DNAH5: variants seen among roughly 807,000 people sequenced by gnomAD.
DNAH5 encodes dynein axonemal heavy chain 5.
In DNAH5, 372 loss-of-function variants were observed where a neutral mutation model predicts 518.2. The observed-to-expected ratio is 0.72, with a 90% CI of 0.66 to 0.78. The LOEUF (loss-of-function observed/expected upper bound fraction) is 0.78, where lower values mean the gene tolerates loss of function less well. Among genes scored for constraint, DNAH5 ranks in the 30% least tolerant of loss-of-function variants. The probability of loss-of-function intolerance (pLI) is 0.00; values close to 1 mark genes in which losing one functional copy is unlikely to be tolerated. For synonymous variants in DNAH5, 2,039 were observed against 2,025.9 expected (o/e 1.01, Z -0.17); for missense variants, 5,523 against 5,687.0 (o/e 0.97, Z 0.93).
rs1345414588 is a variant in DNAH5 at position 13,737,264 on chromosome 5, C to G, written c.11443G>C (p.Glu3815Gln). The G allele has an allele frequency of 6.2e-7, 1 of 1,614,048 alleles. No homozygotes were observed. Among genetic ancestry groups the G allele is most frequent in the Non-Finnish European group, 8.5e-7 (1 of 1,179,968 alleles). The stretch of plus-strand genomic sequence containing the variant: ...TTACCAAACTCACCAGGTCTGTATT[C>G]CTCCCGGGCTGAGTTAATTTGAACT... ...TEVQINSAREEYRPVATRGSI... is the reference protein window; with the variant it reads ...TEVQINSAREQYRPVATRGSI... Residue 3815 changes from glutamate (E) to glutamine (Q), a missense_variant, in exon 66 of 79, where the codon GAA (glutamate) becomes CAA (glutamine). This residue lies in a region of DNAH5 where 5,121 missense variants were observed against 5,223.3 expected (regional missense o/e 0.98). Transcript: ENST00000265104.
chr5:13,867,328 G>A (rs1450261463), intron 25 of DNAH5, among the ~76,000 whole-genome samples: 1 of 152,122 alleles, frequency 6.6e-6, no homozygotes, highest in Non-Finnish European at 1.5e-5. Context: ...AATCATGGGA[G>A]CGGTTTTCCC....
upstream of DNAH5, among the ~76,000 whole-genome samples, chr5:13,946,081 CAAG>C (rs1365725524): frequency 6.6e-6 from 1 of 152,172 alleles, no homozygotes; most frequent in Non-Finnish European, 1.5e-5. Flanking sequence ...CTATCCATCC[CAAG>C]AATCCTCTGT....
upstream of DNAH5, among the ~76,000 whole-genome samples, chr5:13,946,230 G>A (rs2078022483): frequency 6.6e-6 from 1 of 152,144 alleles, no homozygotes; most frequent in Admixed American, 6.5e-5. Flanking sequence ...CATTTACAAC[G>A]CATCGCTTGG....
chr5:13,841,238 G>C (rs1236176822), intron 33 of DNAH5, 108 bp from the exon 34 acceptor site: 1 of 880,456 alleles, frequency 1.1e-6, no homozygotes, highest in Non-Finnish European at 1.8e-6. Flanking sequence ...GTAAAGCCAT[G>C]ATTACATCAA....
At chr5:13,909,000 G>A (rs1174208217) in intron 12 of DNAH5, among the ~76,000 whole-genome samples, 2 of 152,284 alleles carry the variant, frequency 1.3e-5, no homozygotes, top group South Asian at 2.1e-4. Flanking sequence ...AATTAGTTAA[G>A]AGAAAGAGAA....
intron 65 of DNAH5, among the ~76,000 whole-genome samples, chr5:13,738,667 G>C (rs1305254511): frequency 2.0e-5 from 3 of 152,130 alleles, no homozygotes; most frequent in African/African-American, 7.2e-5. Flanking sequence ...GGTGGCAGGG[G>C]TGGGAGAAGG....
At chr5:13,960,255 T>A (rs914149451) in intron 1 of DNAH5, among the ~76,000 whole-genome samples, 11 of 152,184 alleles carry the variant, frequency 7.2e-5, no homozygotes, top group Middle Eastern at 6.8e-3. Flanking sequence ...AGAAACGAGG[T>A]GGACCGTACT....
chr5:13,837,309 G>A (rs529667786), intron 35 of DNAH5, among the ~76,000 whole-genome samples: 1 of 152,204 alleles, frequency 6.6e-6, no homozygotes, highest in Non-Finnish European at 1.5e-5. Flanking sequence ...GGGTTTTGAA[G>A]GGAGCATGGA....
intron 17 of DNAH5, among the ~76,000 whole-genome samples, chr5:13,887,663 T>C (rs1019376740): frequency 5.9e-5 from 9 of 152,222 alleles, no homozygotes; most frequent in Non-Finnish European, 8.8e-5. Context: ...CCATGTCTTC[T>C]CAAGGTCTCT....
intron 1 of DNAH5, among the ~76,000 whole-genome samples, chr5:13,958,561 T>C (rs780724137): frequency 2.0e-5 from 3 of 152,180 alleles, no homozygotes; most frequent in Non-Finnish European, 4.4e-5. Flanking sequence ...ATATTACTCT[T>C]ACATAGAGTA....
intron 51 of DNAH5, among the ~76,000 whole-genome samples, chr5:13,788,318 C>T (rs1365786701): frequency 2.6e-5 from 4 of 152,182 alleles, no homozygotes; most frequent in African/African-American, 7.2e-5. Flanking sequence ...GGACTCCCCA[C>T]GGTGCATGTG....
At chr5:13,747,124 T>A (rs1419161605) in intron 65 of DNAH5, among the ~76,000 whole-genome samples, 1 of 150,832 alleles carries the variant, frequency 6.6e-6, no homozygotes, top group Non-Finnish European at 1.5e-5. Flanking sequence ...CACCTACGAG[T>A]GAGAACATGC....
intron 32 of DNAH5, 116 bp downstream of exon 32, chr5:13,844,721 G>A: frequency 7.5e-7 from 1 of 1,332,452 alleles, no homozygotes; most frequent in East Asian, 2.3e-5. Flanking sequence ...CACTGGCCAA[G>A]AGCTAATGAA....
At chr5:13,784,861 A>T (rs1289437833) in intron 52 of DNAH5, among the ~76,000 whole-genome samples, 1 of 152,146 alleles carries the variant, frequency 6.6e-6, no homozygotes, top group Non-Finnish European at 1.5e-5. Flanking sequence ...AATATATTCT[A>T]CTTCCAACCT....
chr5:13,957,164 C>A (rs1780815886), intron 1 of DNAH5, among the ~76,000 whole-genome samples: 2 of 152,180 alleles, frequency 1.3e-5, no homozygotes, highest in Admixed American at 6.5e-5. Flanking sequence ...ATGTTGAATT[C>A]TTTTCTCCCT....
chr5:13,716,646 T>C lies in DNAH5; in HGVS notation c.12750A>G (p.Gln4250=), dbSNP rs1229336223. 26 of 1,613,874 alleles carry C rather than the reference T, an allele frequency of 1.6e-5. No individual in the cohort carries two copies. Among genetic ancestry groups the C allele is most frequent in the Middle Eastern group, 1.6e-4 (1 of 6,082 alleles). ...TTIRYMIGEI[Q]YGGRVTDDYD... ...AGTCGTCAGTGACTCTGCCTCCATATTGAATCTCTCCTATCATGTAGCGGA... is the reference window on the plus strand; with the variant it reads ...AGTCGTCAGTGACTCTGCCTCCATACTGAATCTCTCCTATCATGTAGCGGA... The change falls in exon 74 of 79, where the codon CAA becomes CAG. Residue 4250 remains glutamine, a synonymous_variant. Transcript: ENST00000265104.
intron 57 of DNAH5, 84 bp from the exon 58 acceptor site, chr5:13,769,220 GA>G: frequency 7.8e-7 from 1 of 1,289,678 alleles, no homozygotes; most frequent in Non-Finnish European, 1.1e-6. Flanking sequence ...TTGATTTGTT[GA>G]TTTTGTTCAC....
intron 15 of DNAH5, chr5:13,898,319 A>T: frequency 2.7e-6 from 1 of 364,564 alleles, no homozygotes. Flanking sequence ...ATACAATTAA[A>T]TTATCAGTAA....
intron 12 of DNAH5, among the ~76,000 whole-genome samples, chr5:13,910,979 C>T (rs1775913943): frequency 6.6e-6 from 1 of 152,198 alleles, no homozygotes; most frequent in Non-Finnish European, 1.5e-5. Flanking sequence ...TTTCTAAGGC[C>T]AGTGGCAGCC....
Sources: gnomAD v4.1 joint callset for allele counts (sites outside exome capture counted in the v4.1 genomes callset) on GRCh38, gnomAD v4.1.1 for gene constraint, gnomAD v4.1.1 regional missense constraint, MANE v1.5 for transcripts, NCBI Gene and HGNC (gene_info 2026-07-23, HGNC 2026-07-21) for gene names.